Variants in KCNK2 observed in about 807,000 individuals in gnomAD.
The protein encoded by KCNK2 is potassium channel subfamily K member 2.
Under a neutral mutation model 40.5 loss-of-function variants are expected in KCNK2, and 21 were observed. That is an observed-to-expected ratio of 0.52 (90% CI 0.37 to 0.75). The LOEUF (loss-of-function observed/expected upper bound fraction) is 0.75. Among genes scored for constraint, KCNK2 ranks in the 30% least tolerant of loss-of-function variants. The probability of loss-of-function intolerance (pLI) is 0.00; values close to 1 mark genes in which losing one functional copy is unlikely to be tolerated. For missense variants in KCNK2, 399 were observed against 531.6 expected (o/e 0.75, Z 2.45); for synonymous variants, 191 against 202.2 (o/e 0.94, Z 0.47).
chr1:215,164,893 C>T (rs1042570552), intron 3 of KCNK2, among the ~76,000 whole-genome samples: 1 of 152,262 alleles, frequency 6.6e-6, no homozygotes, highest in South Asian at 2.1e-4. Context: ...AGCCCTAGTG[C>T]TTAGCAGAGT....
chr1:215,079,976 T>G (rs2102521828), upstream of KCNK2, among the ~76,000 whole-genome samples: 1 of 152,262 alleles, frequency 6.6e-6, no homozygotes, highest in South Asian at 2.1e-4. Flanking sequence ...TCTCTGTAAG[T>G]TACATCACTT....
intron 5 of KCNK2, among the ~76,000 whole-genome samples, chr1:215,176,968 G>A (rs369786758): frequency 1.6e-4 from 25 of 152,196 alleles, no homozygotes; most frequent in Admixed American, 7.9e-4. Context: ...GTGTAAAAGC[G>A]TTTTTATTTC....
upstream of KCNK2, among the ~76,000 whole-genome samples, chr1:215,078,533 T>C (rs1161907738): frequency 6.6e-6 from 1 of 152,148 alleles, no homozygotes; most frequent in African/African-American, 2.4e-5. Context: ...CAGATTCTTA[T>C]AAAACCATCA....
chr1:215,114,589 A>T (rs1014249948), intron 2 of KCNK2, among the ~76,000 whole-genome samples: 6 of 152,120 alleles, frequency 3.9e-5, no homozygotes, highest in African/African-American at 1.4e-4. Context: ...AAAGCTAAGA[A>T]GCTAAGACAG....
intron 3 of KCNK2, among the ~76,000 whole-genome samples, chr1:215,131,446 A>G (rs1279535470): frequency 6.8e-6 from 1 of 147,062 alleles, no homozygotes; most frequent in African/African-American, 2.5e-5. Flanking sequence ...TATTATATTC[A>G]TATATTATTT....
At chr1:215,131,036 A>G (rs1273184377) in intron 3 of KCNK2, among the ~76,000 whole-genome samples, 1 of 150,678 alleles carries the variant, frequency 6.6e-6, no homozygotes. Flanking sequence ...AATTTTTTGT[A>G]TTTTTAGTAG....
At chr1:215,233,431 G>A (rs1176580414) in intron 6 of KCNK2, among the ~76,000 whole-genome samples, 1 of 146,976 alleles carries the variant, frequency 6.8e-6, no homozygotes. Context: ...GATATTTGAA[G>A]TTTCATTTCT....
At chr1:215,185,605 A>G (rs2102653577) in intron 5 of KCNK2, among the ~76,000 whole-genome samples, 1 of 152,316 alleles carries the variant, frequency 6.6e-6, no homozygotes, top group East Asian at 1.9e-4. Flanking sequence ...CCATCTGGGA[A>G]ATATCAATTA....
At chr1:215,008,081 C>G (rs1224755136) in intron 1 of KCNK2, among the ~76,000 whole-genome samples, 2 of 150,240 alleles carry the variant, frequency 1.3e-5, no homozygotes, top group Non-Finnish European at 3.0e-5. Context: ...GGACCTTGAC[C>G]AAGAAATGAC....
intron 1 of KCNK2, among the ~76,000 whole-genome samples, chr1:215,054,185 C>A (rs1558070913): frequency 6.6e-6 from 1 of 152,134 alleles, no homozygotes; most frequent in Non-Finnish European, 1.5e-5. Context: ...CCTATGATTG[C>A]CGATATTTCC....
At chr1:215,007,021 A>ATGTG (rs1358275338) in intron 1 of KCNK2, among the ~76,000 whole-genome samples, 5 of 15,022 alleles carry the variant, frequency 3.3e-4, no homozygotes, top group Admixed American at 1.6e-3. Context: ...ATATATATAT[A>ATGTG]TATATATATA....
chr1:215,222,473 A>C (rs1666220496), intron 6 of KCNK2, among the ~76,000 whole-genome samples: 1 of 152,178 alleles, frequency 6.6e-6, no homozygotes, highest in Non-Finnish European at 1.5e-5. Context: ...TTTAGAAGAA[A>C]GATATTATTT....
Position 215,198,958 on chromosome 1 carries a change from A to T in KCNK2, c.963+3866A>T, listed in dbSNP as rs189987457. On this transcript the variant is annotated intron_variant, in intron 6 of 6. Transcript: ENST00000444842. ...AAATCTGCTTAAACCATACAGGTTT[A>T]AGTGTGAAAATATAGATCTAGTCAT... Among the ~76,000 whole-genome samples, 642 of 152,292 alleles carry T rather than the reference A, an allele frequency of 4.2e-3. 2 individuals carry two copies. Among genetic ancestry groups the T allele is most frequent in the South Asian group, 8.5e-3 (41 of 4,830 alleles).
At chr1:215,033,029 T>C (rs1657259389) in intron 1 of KCNK2, among the ~76,000 whole-genome samples, 1 of 152,046 alleles carries the variant, frequency 6.6e-6, no homozygotes, top group African/African-American at 2.4e-5. Flanking sequence ...ATTCTTGAAT[T>C]TTCTGTTCTG....
chr1:215,166,567 G>A (rs10779650), intron 3 of KCNK2, among the ~76,000 whole-genome samples: 107,110 of 151,834 alleles, frequency 0.71, 38,139 homozygotes, highest in Non-Finnish European at 0.73. Context: ...AAACAGTAAG[G>A]CAGCTGTACA....
In KCNK2 at chr1:215,096,736, T is replaced by G. The variant is rs1476141322; in HGVS notation, c.357+10058T>G. On this transcript the variant is annotated intron_variant, in intron 2 of 6. Transcript: ENST00000444842. ...ACAGACAAACTGATACAACACATTTTTAAAGATATGGAACATGGAGCTAAG... is the reference window on the plus strand; with the variant it reads ...ACAGACAAACTGATACAACACATTTGTAAAGATATGGAACATGGAGCTAAG... Among the ~76,000 whole-genome samples the G allele has an allele frequency of 2.6e-5, 4 of 151,956 alleles. No homozygotes were observed. In the East Asian group the frequency reaches 5.8e-4, roughly 22 times the overall value.
At chr1:215,193,709 G>A (rs1248055553) in intron 5 of KCNK2, among the ~76,000 whole-genome samples, 1 of 151,960 alleles carries the variant, frequency 6.6e-6, no homozygotes, top group South Asian at 2.1e-4. Context: ...AGTCAAACAC[G>A]AATACACAGG....
intron 2 of KCNK2, among the ~76,000 whole-genome samples, chr1:215,094,807 A>C (rs1659908408): frequency 6.6e-6 from 1 of 152,150 alleles, no homozygotes; most frequent in South Asian, 2.1e-4. Flanking sequence ...ATATATCAAT[A>C]AAATATCACT....
chr1:215,037,182 T>G (rs946543082), intron 1 of KCNK2, among the ~76,000 whole-genome samples: 2 of 151,880 alleles, frequency 1.3e-5, no homozygotes, highest in Non-Finnish European at 2.9e-5. Context: ...TGTTTTCTTT[T>G]CGTAGTCAAT....
Sources: allele counts gnomAD v4.1 joint callset (sites outside exome capture counted in the v4.1 genomes callset), GRCh38; gene constraint gnomAD v4.1.1; transcripts MANE v1.5; gene names NCBI Gene and HGNC (gene_info 2026-07-23, HGNC 2026-07-21).